The following AMZ1 variants were observed in gnomAD, a reference collection of about 807,000 sequenced individuals.
AMZ1 encodes archaemetzincin-1.
AMZ1 carries 39 observed loss-of-function variants against 29.9 expected under a neutral mutation model. The observed-to-expected ratio is 1.30, with a 90% CI of 1.01 to 1.70. The LOEUF (loss-of-function observed/expected upper bound fraction) is 1.70, where lower values mean the gene tolerates loss of function less well. Ranked by LOEUF, AMZ1 falls within the 40% of genes most tolerant of loss-of-function variation. The pLI is 0.00. For synonymous variants in AMZ1, 458 were observed against 304.0 expected (o/e 1.51, Z -5.27); for missense variants, 1,041 against 680.6 (o/e 1.53, Z -5.89).
At chr7:2,761,868 T>G (rs1791572649), upstream of AMZ1, among the ~76,000 whole-genome samples, 1 of 152,206 alleles carries the variant, frequency 6.6e-6, no homozygotes, top group Non-Finnish European at 1.5e-5. Flanking sequence ...GGTCACAACG[T>G]AAAATTCGGC....
At chr7:2,753,953 G>A (rs181838698) in intron 4 of AMZ1, among the ~76,000 whole-genome samples, 1 of 152,100 alleles carries the variant, frequency 6.6e-6, no homozygotes, top group Non-Finnish European at 1.5e-5. Flanking sequence ...CTGTAGGTCC[G>A]GCGGCGCATC....
chr7:2,731,339 A>G lies in AMZ1; in HGVS notation n.550+21523A>G, dbSNP rs45583847. Reference sequence around the variant, plus strand: ...TTCCTGTCGAAGCACTGGACCAGGTAGCGCTGGACGTCCTCCAGCCTGTGC... The same window carrying G: ...TTCCTGTCGAAGCACTGGACCAGGTGGCGCTGGACGTCCTCCAGCCTGTGC... On this transcript the variant is annotated intron_variant and non_coding_transcript_variant, in intron 4 of 4. Coordinates refer to the AMZ1 transcript ENST00000489665. This position sits in a 1 kb window ranked among gnomAD's most constrained non-coding sequence, Gnocchi z 6.0. 3.7e-6 allele frequency: 6 copies of G among 1,613,708 alleles called. No homozygotes were observed. The highest frequency in any genetic ancestry group is 5.1e-6 in the Non-Finnish European group (6 of 1,179,932).
At chr7:2,749,085 T>C (rs960538424) in intron 4 of AMZ1, among the ~76,000 whole-genome samples, 15 of 152,148 alleles carry the variant, frequency 9.9e-5, no homozygotes, top group African/African-American at 3.4e-4. Context: ...AGTTCAACCA[T>C]TGTGGAAGTC....
intron 1 of AMZ1, among the ~76,000 whole-genome samples, chr7:2,690,046 C>T (rs1787293366): frequency 6.6e-6 from 1 of 152,138 alleles, no homozygotes; most frequent in South Asian, 2.1e-4. Flanking sequence ...CACAAGGCTT[C>T]TTGAGAGGAA....
intron 2 of AMZ1, among the ~76,000 whole-genome samples, chr7:2,701,831 T>C (rs962652658): frequency 2.0e-5 from 3 of 152,128 alleles, no homozygotes; most frequent in Non-Finnish European, 2.9e-5. Context: ...AGGACCCAAA[T>C]CCTGCGGGTG....
chr7:2,742,620 G>T (rs1435390426), intron 4 of AMZ1, among the ~76,000 whole-genome samples: 1 of 152,132 alleles, frequency 6.6e-6, no homozygotes, highest in Non-Finnish European at 1.5e-5. Flanking sequence ...TTCCATATTA[G>T]TTCTAAAGTC....
At chr7:2,708,539 G>A (rs765790355) in intron 3 of AMZ1, 49 bp from the exon 4 acceptor site, 1 of 1,605,566 alleles carries the variant, frequency 6.2e-7, no homozygotes. Context: ...CTGGAAGATG[G>A]GGGTCCCCGG....
chr7:2,714,563 G>A lies in AMZ1; in HGVS notation c.*1685G>A, dbSNP rs117134027. ...ATGGAAGGTGCCGGCAGAGCACCCT[G>A]CAGTAACAGAAGGTGAAAGCCGGAG... is the stretch of plus-strand genomic sequence containing the variant. On this transcript the variant is annotated 3_prime_UTR_variant, in exon 7 of 7. Coordinates refer to ENST00000683327, the MANE Select transcript of AMZ1 (RefSeq NM_001384743.1). 4.8e-3 allele frequency: 725 copies of A among 152,454 alleles called. 2 individuals are homozygous for A. Among genetic ancestry groups the A allele is most frequent in the Non-Finnish European group, 8.3e-3 (567 of 68,062 alleles). 9.4% of individuals were successfully genotyped at this position (152,454 alleles called of 1,614,324 possible).
At chr7:2,737,412 C>T (rs960252025) in intron 4 of AMZ1, among the ~76,000 whole-genome samples, 1 of 150,144 alleles carries the variant, frequency 6.7e-6, no homozygotes, top group Admixed American at 6.7e-5. Context: ...CCTCAGCCTA[C>T]AGAGTAGTTG....
chr7:2,709,117 C>T lies in AMZ1; in HGVS notation c.644C>T (p.Pro215Leu), dbSNP rs201824612. 1.1e-4 allele frequency: 182 copies of T among 1,600,692 alleles called. No homozygotes were observed. Among genetic ancestry groups the T allele is most frequent in the Admixed American group, 2.8e-4 (16 of 57,890 alleles). The part of the protein sequence containing the change: ...CSFARFSGEF[P>L]KSGPSAPDLA... ...TTCGCCCGGTTCTCAGGGGAATTCC[C>T]GAAGTCGGGGCCCAGCGCCCCTGAT... Residue 215 changes from proline to leucine, a missense_variant, in exon 5 of 7, where the codon CCG (proline) becomes CTG (leucine). Physicochemically the swap from Pro to Leu is moderately conservative, Grantham distance 98. Coordinates refer to ENST00000683327, the MANE Select transcript of AMZ1 (RefSeq NM_001384743.1).
chr7:2,756,396 T>C (rs991300184), intron 4 of AMZ1, among the ~76,000 whole-genome samples: 1 of 152,062 alleles, frequency 6.6e-6, no homozygotes, highest in Non-Finnish European at 1.5e-5. Flanking sequence ...CTCACATTTA[T>C]AATCCTACGA....
intron 2 of AMZ1, 43 bp from the exon 3 acceptor site, chr7:2,702,679 G>C (rs750508032): frequency 1.3e-6 from 2 of 1,488,870 alleles, no homozygotes; most frequent in Non-Finnish European, 1.8e-6. Context: ...GGTCCCAGGC[G>C]GGCAGGGGCG....
At chr7:2,693,286 C>G (rs1343238629) in intron 1 of AMZ1, among the ~76,000 whole-genome samples, 1 of 152,020 alleles carries the variant, frequency 6.6e-6, no homozygotes, top group Non-Finnish European at 1.5e-5. Context: ...TGGGGTTTCT[C>G]CATGTTGGTC....
intron 4 of AMZ1, among the ~76,000 whole-genome samples, chr7:2,734,473 G>C (rs1790057226): frequency 6.6e-6 from 1 of 152,210 alleles, no homozygotes; most frequent in Non-Finnish European, 1.5e-5. Context: ...CAGGGGCAAG[G>C]TCATACACAT....
rs1322670114 is a variant in AMZ1, at chr7:2,715,627, G to A, written c.*2749G>A. The A allele has an allele frequency of 6.6e-6, 1 of 152,222 alleles. No homozygotes were observed. Among genetic ancestry groups the A allele is most frequent in the Non-Finnish European group, 1.5e-5 (1 of 68,044 alleles). The allele number at this position is 152,222 out of a possible 1,614,324, so 9.4% of individuals were successfully genotyped here. On this transcript the variant is annotated 3_prime_UTR_variant, in exon 7 of 7. Transcript: ENST00000683327. Reference sequence around the variant, plus strand: ...CGTTTACCAACTTGCAGATGTCAGTGAAATTTTTTAAGACAGCTGTTAGAA... The same window carrying A: ...CGTTTACCAACTTGCAGATGTCAGTAAAATTTTTTAAGACAGCTGTTAGAA...
At chr7:2,680,926 A>T (rs1346601545) in intron 1 of AMZ1, among the ~76,000 whole-genome samples, 1 of 152,018 alleles carries the variant, frequency 6.6e-6, no homozygotes. Context: ...TGGCCAAGTC[A>T]CCAGACACCA....
intron 1 of AMZ1, among the ~76,000 whole-genome samples, chr7:2,689,074 G>A (rs1416135957): frequency 6.6e-6 from 1 of 152,214 alleles, no homozygotes. Context: ...TTCCCTCCTA[G>A]CGAATGGAAA....
At chr7:2,726,383 T>C (rs879756747) in intron 4 of AMZ1, among the ~76,000 whole-genome samples, 28 of 152,286 alleles carry the variant, frequency 1.8e-4, no homozygotes, top group Admixed American at 1.8e-3. Flanking sequence ...TCAGTGACTG[T>C]CAACCCTGGC....
intron 4 of AMZ1, among the ~76,000 whole-genome samples, chr7:2,742,692 G>C (rs920242366): frequency 1.3e-5 from 2 of 152,162 alleles, no homozygotes; most frequent in South Asian, 4.1e-4. Context: ...TTTTGAATGA[G>C]GCCTTTAATT....
Sources: allele counts gnomAD v4.1 joint callset (sites outside exome capture counted in the v4.1 genomes callset), GRCh38; gene constraint gnomAD v4.1.1; non-coding constraint Gnocchi (gnomAD v3.1); transcripts MANE v1.5; gene names NCBI Gene and HGNC (gene_info 2026-07-23, HGNC 2026-07-21).